GPHN: variants seen among roughly 807,000 people sequenced by gnomAD.
GPHN encodes gephyrin.
Under a neutral mutation model 95.5 loss-of-function variants are expected in GPHN, and 17 were observed. The observed-to-expected ratio is 0.18, with a 90% CI of 0.12 to 0.27. The LOEUF is 0.27. GPHN is among the 10% of genes least tolerant of loss of function. The pLI is 1.00. For missense variants in GPHN, 660 were observed against 978.1 expected, an observed-to-expected ratio of 0.67 and a Z score of 4.34; for synonymous variants, 320 against 322.5, an observed-to-expected ratio of 0.99 and a Z score of 0.08.
chr14:66,683,975 C>CA lies in GPHN; in HGVS notation c.143+2805dup, dbSNP rs1253075683. Among the ~76,000 whole-genome samples the CA allele has an allele frequency of 3.8e-3, 403 of 106,950 alleles. 1 individual carries two copies. The highest frequency in any genetic ancestry group is 5.3e-3 in the Middle Eastern group (1 of 190). The allele number at this position is 106,950 out of a possible 152,430, so 70.2% of individuals were successfully genotyped here. ...TGGGCAACAGAGCAAGACTCCGTCTCAAAAAAAAAAAAAAACTCCTCCTCA... is the reference window on the plus strand; with the variant it reads ...TGGGCAACAGAGCAAGACTCCGTCTCAAAAAAAAAAAAAAAACTCCTCCTCA... On this transcript the variant is annotated intron_variant, in intron 2 of 22. Transcript: ENST00000478722.
intron 9 of GPHN, among the ~76,000 whole-genome samples, chr14:66,972,238 A>G (rs1194494597): frequency 6.7e-6 from 1 of 149,852 alleles, no homozygotes; most frequent in East Asian, 1.9e-4. Flanking sequence ...ATTGCACTCC[A>G]GCCGGGGCAA....
At chr14:67,137,026 ACAC>A (rs2080117116) in intron 17 of GPHN, among the ~76,000 whole-genome samples, 2 of 152,118 alleles carry the variant, frequency 1.3e-5, no homozygotes, top group Non-Finnish European at 2.9e-5. Flanking sequence ...GCATGGTGGC[ACAC>A]ACTTGTAATC....
intron 11 of GPHN, among the ~76,000 whole-genome samples, chr14:67,060,030 T>C (rs761338852): frequency 4.6e-5 from 7 of 152,084 alleles, no homozygotes; most frequent in Non-Finnish European, 5.9e-5. Context: ...TCAGAAAATA[T>C]GAATGTAAAC....
At chr14:66,515,146 A>G (rs558592215) in intron 1 of GPHN, among the ~76,000 whole-genome samples, 114 of 152,278 alleles carry the variant, frequency 7.5e-4, no homozygotes, top group African/African-American at 2.7e-3. Context: ...GCAACTTGCC[A>G]CAGTTTCGTG....
chr14:66,972,636 C>T (rs139812670), intron 9 of GPHN, among the ~76,000 whole-genome samples: 1 of 151,326 alleles, frequency 6.6e-6, no homozygotes, highest in African/African-American at 2.4e-5. Context: ...CATTCAAGGG[C>T]CAAGTTTTAA....
At chr14:67,058,155 T>G (rs1180674724) in intron 10 of GPHN, among the ~76,000 whole-genome samples, 1 of 152,188 alleles carries the variant, frequency 6.6e-6, no homozygotes, top group Non-Finnish European at 1.5e-5. Flanking sequence ...GGTCAAGACC[T>G]CAATGAAAAT....
the GPHN span, among the ~76,000 whole-genome samples, chr14:67,432,978 A>T: frequency 0.02 from 3,065 of 152,276 alleles, 184 homozygotes; most frequent in East Asian, 0.13. Context: ...CTGTTTCCAC[A>T]TAAGGTCACA....
chr14:66,670,653 A>C (rs1184947009), intron 1 of GPHN, among the ~76,000 whole-genome samples: 1 of 152,152 alleles, frequency 6.6e-6, no homozygotes, highest in East Asian at 1.9e-4. Flanking sequence ...TTAGCTGGGC[A>C]TGGTGGCGAA....
chr14:67,716,592 G>A, the GPHN span, among the ~76,000 whole-genome samples: 1 of 152,056 alleles, frequency 6.6e-6, no homozygotes, highest in African/African-American at 2.4e-5. Context: ...ATAGTTTAAA[G>A]AATTTTACAG....
the GPHN span, among the ~76,000 whole-genome samples, chr14:67,255,390 T>C: frequency 6.6e-6 from 1 of 152,128 alleles, no homozygotes; most frequent in African/African-American, 2.4e-5. Flanking sequence ...TATTTGAAAG[T>C]GTTAGAGGTC....
intron 1 of GPHN, among the ~76,000 whole-genome samples, chr14:66,614,275 C>G (rs538645221): frequency 6.0e-4 from 92 of 152,192 alleles, no homozygotes; most frequent in African/African-American, 2.1e-3. Flanking sequence ...GGTTAGATAG[C>G]TTGTCCCAGA....
intron 5 of GPHN, among the ~76,000 whole-genome samples, chr14:66,909,702 T>G (rs977036179): frequency 3.3e-5 from 5 of 152,022 alleles, no homozygotes; most frequent in African/African-American, 1.2e-4. Flanking sequence ...TAATTAGATA[T>G]TGTTAGTATT....
chr14:67,607,590 C>T, the GPHN span, among the ~76,000 whole-genome samples: 1,808 of 152,254 alleles, frequency 0.012, 43 homozygotes, highest in African/African-American at 0.04. Context: ...TGGTCTTGAT[C>T]TCTTGACTTC....
intron 2 of GPHN, among the ~76,000 whole-genome samples, chr14:66,717,301 G>A (rs150692863): frequency 1.6e-4 from 24 of 152,042 alleles, no homozygotes; most frequent in African/African-American, 4.3e-4. Flanking sequence ...GAGACTTTCC[G>A]GAGCATTTTG....
chr14:66,615,172 A>G (rs1290591430), intron 1 of GPHN, among the ~76,000 whole-genome samples: 2 of 152,092 alleles, frequency 1.3e-5, no homozygotes, highest in Admixed American at 6.5e-5. Context: ...CAATAAACAT[A>G]CCTGTGCATG....
chr14:67,527,535 A>G, the GPHN span, among the ~76,000 whole-genome samples: 6 of 152,264 alleles, frequency 3.9e-5, no homozygotes, highest in East Asian at 5.8e-4. Context: ...TTTAATTAGG[A>G]GATTAGAAAG....
At chr14:67,045,082 TC>T (rs1286064867) in intron 10 of GPHN, among the ~76,000 whole-genome samples, 2 of 152,162 alleles carry the variant, frequency 1.3e-5, no homozygotes, top group Non-Finnish European at 2.9e-5. Flanking sequence ...GGTTTGCTTC[TC>T]CCTTGACTCA....
chr14:67,517,560 T>TAG, the GPHN span, among the ~76,000 whole-genome samples: 1 of 152,174 alleles, frequency 6.6e-6, no homozygotes, highest in East Asian at 1.9e-4. Context: ...AGATATCAGT[T>TAG]AGAGAATCAG....
the GPHN span, among the ~76,000 whole-genome samples, chr14:67,289,768 C>CTTTTTTT: frequency 2.3e-4 from 22 of 95,476 alleles, 5 homozygotes; most frequent in African/African-American, 5.0e-4. Flanking sequence ...TTTTCCATGT[C>CTTTTTTT]CTTTTTTTTT....
Sources: gnomAD v4.1 joint callset for allele counts (sites outside exome capture counted in the v4.1 genomes callset) on GRCh38, gnomAD v4.1.1 for gene constraint, MANE v1.5 for transcripts, NCBI Gene and HGNC (gene_info 2026-07-23, HGNC 2026-07-21) for gene names.